RBM46: variants seen among roughly 807,000 people sequenced by gnomAD.
The protein encoded by RBM46 is RNA binding motif protein 46, also known as probable RNA-binding protein 46.
In RBM46, 12 loss-of-function variants were observed where a neutral mutation model predicts 43.3. The observed-to-expected ratio is 0.28, with a 90% CI of 0.18 to 0.45. RBM46 has a LOEUF of 0.45. RBM46 is among the 20% of genes least tolerant of loss of function. The pLI is 1.00. For synonymous variants in RBM46, 205 were observed against 207.6 expected (o/e 0.99, Z 0.11); for missense variants, 412 against 639.1 (o/e 0.64, Z 3.83).
chr4:154,807,017 T>G (rs1483033407), intron 4 of RBM46, among the ~76,000 whole-genome samples: 1 of 151,850 alleles, frequency 6.6e-6, no homozygotes. Flanking sequence ...CCTAAAATAC[T>G]CCTTCTAATA....
chr4:154,798,185 A>C lies in RBM46; in HGVS notation c.526A>C (p.Ser176Arg). 6.2e-7 allele frequency: 1 copy of C among 1,613,900 alleles called. No individual in the cohort carries two copies. The highest frequency in any genetic ancestry group is 8.5e-7 in the Non-Finnish European group (1 of 1,179,944). ...AGTTGTAGATGTCATTGTTTATCCA[A>C]GTGCAACTGATAAGACCAAAAATCG... ...EGVVDVIVYP[S>R]ATDKTKNRGF... The change falls in exon 3 of 5, where the codon AGT (serine) becomes CGT (arginine). Residue 176 changes from serine to arginine, a missense_variant. By Grantham distance (110) the Ser-to-Arg change is moderately radical (BLOSUM62 -1). Around this residue, in one of 8 missense-constraint regions of RBM46, gnomAD observed 48 missense variants for 78.9 expected, o/e 0.61. Coordinates refer to ENST00000281722, the MANE Select transcript of RBM46 (RefSeq NM_144979.5).
intron 4 of RBM46, among the ~76,000 whole-genome samples, chr4:154,823,083 T>C (rs1193470190): frequency 6.6e-6 from 1 of 151,894 alleles, no homozygotes; most frequent in African/African-American, 2.4e-5. Context: ...TGATGATACA[T>C]TATTCAGCCA....
At chr4:154,821,436 A>G (rs1038745280) in intron 4 of RBM46, among the ~76,000 whole-genome samples, 11 of 151,698 alleles carry the variant, frequency 7.3e-5, no homozygotes, top group African/African-American at 1.2e-4. Context: ...GGATTGCTGC[A>G]GCTCTGATTG....
At chr4:154,785,360 G>A (rs1488994341) in intron 1 of RBM46, among the ~76,000 whole-genome samples, 1 of 151,562 alleles carries the variant, frequency 6.6e-6, no homozygotes, top group African/African-American at 2.4e-5. Flanking sequence ...TTGTAGAGAT[G>A]GGTTGGATTG....
At chr4:154,794,573 A>G (rs1367701902) in intron 1 of RBM46, among the ~76,000 whole-genome samples, 3 of 152,156 alleles carry the variant, frequency 2.0e-5, no homozygotes, top group Non-Finnish European at 4.4e-5. Context: ...AATCTATAGT[A>G]GCTCCTCATT....
At chr4:154,790,218 G>C (rs921397557) in intron 1 of RBM46, 2 of 152,106 alleles carry the variant, frequency 1.3e-5, no homozygotes, top group African/African-American at 4.8e-5. Context: ...GCTAGCTTTT[G>C]AATGTGTTTG....
chr4:154,797,523 C>T (rs1314566432), intron 2 of RBM46, among the ~76,000 whole-genome samples: 1 of 152,176 alleles, frequency 6.6e-6, no homozygotes, highest in Non-Finnish European at 1.5e-5. Flanking sequence ...TCATGGCTCA[C>T]TCCCTCATTC....
At chr4:154,817,225 A>G (rs1735487388) in intron 4 of RBM46, among the ~76,000 whole-genome samples, 1 of 151,792 alleles carries the variant, frequency 6.6e-6, no homozygotes, top group Non-Finnish European at 1.5e-5. Context: ...GTGGAATATT[A>G]TTTAAGAGGC....
At chr4:154,823,243 G>A (rs1026575241) in intron 4 of RBM46, among the ~76,000 whole-genome samples, 32 of 151,756 alleles carry the variant, frequency 2.1e-4, no homozygotes, top group Non-Finnish European at 1.8e-4. Context: ...GTAGTTGCTG[G>A]GGCTGAGAGA....
At chr4:154,805,514 G>A (rs1452042523) in intron 4 of RBM46, among the ~76,000 whole-genome samples, 1 of 151,948 alleles carries the variant, frequency 6.6e-6, no homozygotes, top group Admixed American at 6.6e-5. Flanking sequence ...AAGCATGATA[G>A]TCGCTGTTAG....
At chr4:154,819,300 C>T (rs1226335185) in intron 4 of RBM46, among the ~76,000 whole-genome samples, 1 of 152,194 alleles carries the variant, frequency 6.6e-6, no homozygotes, top group African/African-American at 2.4e-5. Flanking sequence ...TCCATTTTTA[C>T]TCAGTTCCAG....
At chr4:154,807,135 A>G (rs905574999) in intron 4 of RBM46, among the ~76,000 whole-genome samples, 2 of 151,758 alleles carry the variant, frequency 1.3e-5, no homozygotes, top group Non-Finnish European at 3.0e-5. Flanking sequence ...AGATGCCATT[A>G]GCAATTGTGT....
intron 4 of RBM46, among the ~76,000 whole-genome samples, chr4:154,818,510 C>T (rs1735573543): frequency 1.3e-5 from 2 of 152,142 alleles, no homozygotes; most frequent in South Asian, 4.1e-4. Flanking sequence ...GCTACTTCTA[C>T]TATTTTCTTT....
chr4:154,825,328 A>G (rs1178554077), intron 4 of RBM46, among the ~76,000 whole-genome samples: 3 of 152,186 alleles, frequency 2.0e-5, no homozygotes, highest in Non-Finnish European at 4.4e-5. Flanking sequence ...TGAGGAAAAC[A>G]TGATTGTACT....
At chr4:154,802,992 T>C (rs570506786) in intron 4 of RBM46, among the ~76,000 whole-genome samples, 63 of 152,186 alleles carry the variant, frequency 4.1e-4, no homozygotes, top group African/African-American at 1.5e-3. Context: ...TTTCCCAAGT[T>C]TGAAAAATAA....
chr4:154,817,817 A>AT (rs1735528555), intron 4 of RBM46, among the ~76,000 whole-genome samples: 2 of 149,832 alleles, frequency 1.3e-5, no homozygotes, highest in Admixed American at 6.6e-5. Context: ...TGCTTGTTTT[A>AT]TTTTTTCATT....
chr4:154,800,982 ATT>A (rs199743891), intron 4 of RBM46, among the ~76,000 whole-genome samples: 32 of 143,414 alleles, frequency 2.2e-4, no homozygotes, highest in Admixed American at 4.9e-4. Flanking sequence ...AGTATTAGAA[ATT>A]TTTTTTTTTT....
intron 1 of RBM46, among the ~76,000 whole-genome samples, chr4:154,789,713 C>T (rs897014830): frequency 2.0e-5 from 3 of 152,176 alleles, no homozygotes; most frequent in African/African-American, 4.8e-5. Flanking sequence ...AGGATTCCCT[C>T]TTTTTCTATT....
chr4:154,826,925 A>C (rs895977111), intron 4 of RBM46: 7 of 1,322,984 alleles, frequency 5.3e-6, no homozygotes, highest in African/African-American at 1.5e-5. Context: ...TTACCTGTAC[A>C]TTAGATGACC....
Sources: allele counts gnomAD v4.1 joint callset (sites outside exome capture counted in the v4.1 genomes callset), GRCh38; gene constraint gnomAD v4.1.1; regional missense constraint gnomAD v4.1.1; transcripts MANE v1.5; gene names NCBI Gene and HGNC (gene_info 2026-07-23, HGNC 2026-07-21).